Variants in LAMP1 observed in about 807,000 individuals in gnomAD.
The protein encoded by LAMP1 is lysosome-associated membrane glycoprotein 1.
A neutral mutation model predicts 37.5 loss-of-function variants in LAMP1; 7 were observed. That is an observed-to-expected ratio of 0.19 (90% CI 0.11 to 0.35). The LOEUF (loss-of-function observed/expected upper bound fraction) is 0.35, where lower values mean the gene tolerates loss of function less well. Ranked by LOEUF, LAMP1 falls within the 10% of genes least tolerant of loss-of-function variation. LAMP1 has a pLI of 1.00. For missense variants in LAMP1, 537 were observed against 552.8 expected, an observed-to-expected ratio of 0.97 and a Z score of 0.29; for synonymous variants, 236 against 229.1, an observed-to-expected ratio of 1.03 and a Z score of -0.27.
rs1408830090 is a variant in LAMP1 at position 113,320,038 on chromosome 13, C to T, written c.751-307C>T. Among the ~76,000 whole-genome samples the T allele has an allele frequency of 1.3e-5, 2 of 152,124 alleles. No individual in the cohort carries two copies. The highest frequency in any genetic ancestry group is 4.8e-5 in the African/African-American group (2 of 41,404). ...GTTTTTCTCCCCTAGTAGTGACAGG[C>T]TGTGGGGTTGTGGGGGTCGACTTGC... On this transcript the variant is annotated intron_variant, in intron 5 of 8. Coordinates refer to ENST00000332556, the MANE Select transcript of LAMP1 (RefSeq NM_005561.4). The surrounding 1 kb of genome is among the most constrained non-coding windows in gnomAD (Gnocchi z 4.4).
chr13:113,298,333 C>T (rs2042553390), intron 1 of LAMP1, among the ~76,000 whole-genome samples: 1 of 152,104 alleles, frequency 6.6e-6, no homozygotes, highest in Non-Finnish European at 1.5e-5. Flanking sequence ...CATTTATTGT[C>T]TTAATAAGAG....
chr13:113,310,602 G>T, intron 3 of LAMP1, 107 bp from the exon 4 acceptor site: 1 of 913,174 alleles, frequency 1.1e-6, no homozygotes. Context: ...TTTTAATCTA[G>T]AAATCAAGAC....
Position 113,321,236 on chromosome 13 carries a change from T to C in LAMP1, c.877-168T>C. 2 of 662,344 alleles carry C rather than the reference T, an allele frequency of 3.0e-6. No individual in the cohort carries two copies. The highest frequency in any genetic ancestry group is 5.3e-6 in the Non-Finnish European group (2 of 373,950). 41.0% of individuals were successfully genotyped at this position (662,344 alleles called of 1,614,324 possible). On this transcript the variant is annotated intron_variant, in intron 6 of 8. Coordinates refer to ENST00000332556, the MANE Select transcript of LAMP1 (RefSeq NM_005561.4). This position sits in a 1 kb window ranked among gnomAD's most constrained non-coding sequence, Gnocchi z 5.6. ...ATTCCCCAGAGATACACAACGCCTT[T>C]TATAGACAAGATCTTTTGCAGTTTT... is the stretch of plus-strand genomic sequence containing the variant.
chr13:113,306,756 C>T (rs1021240822), intron 2 of LAMP1, 150 bp downstream of exon 2: 8 of 754,434 alleles, frequency 1.1e-5, no homozygotes, highest in South Asian at 1.9e-5. Flanking sequence ...GTAACCTGCG[C>T]TGTCATGTGC....
At chr13:113,316,945 CAGG>C (rs1270471916) in intron 4 of LAMP1, among the ~76,000 whole-genome samples, 1 of 151,506 alleles carries the variant, frequency 6.6e-6, no homozygotes, top group Non-Finnish European at 1.5e-5. Flanking sequence ...GTGAAAGGGG[CAGG>C]AGAAGGTCAG....
rs1006211633 is a variant in LAMP1 at position 113,322,947 on chromosome 13, C to T, written c.*526C>T. The T allele has an allele frequency of 6.4e-6, 1 of 156,744 alleles. No individual in the cohort carries two copies. Among genetic ancestry groups the T allele is most frequent in the East Asian group, 1.9e-4 (1 of 5,236 alleles). The allele number at this position is 156,744 out of a possible 1,614,324, so 9.7% of individuals were successfully genotyped here. A position where few individuals can be genotyped will look rare whatever the true frequency, so the allele number is the denominator to read the frequency against. ...TGGTGTTTGGTTTCTTCATTCTTTA[C>T]TGCACTCAGATTTAAGCCTTACAAA... On this transcript the variant is annotated 3_prime_UTR_variant, in exon 9 of 9. Transcript: ENST00000332556.
chr13:113,303,937 T>G (rs1348123763), intron 1 of LAMP1, among the ~76,000 whole-genome samples: 3 of 151,914 alleles, frequency 2.0e-5, no homozygotes, highest in Admixed American at 2.0e-4. Flanking sequence ...ATACAAAAAG[T>G]AGCCAGACAT....
intron 4 of LAMP1, among the ~76,000 whole-genome samples, chr13:113,314,835 G>T (rs750703033): frequency 8.0e-6 from 1 of 125,456 alleles, no homozygotes; most frequent in Non-Finnish European, 1.6e-5. Context: ...TGTGCCTGGG[G>T]CGTGGCCTCC....
intron 1 of LAMP1, among the ~76,000 whole-genome samples, chr13:113,298,690 T>C (rs573530111): frequency 6.6e-6 from 1 of 152,322 alleles, no homozygotes; most frequent in African/African-American, 2.4e-5. Context: ...CTTATTCCAA[T>C]AGTAAGCCTG....
In LAMP1 at chr13:113,313,069, C is replaced by T. The variant is rs530213450; in HGVS notation, c.562+2202C>T. ...GATGCTGACCTTGTCCGGGGACTCC[C>T]TACTGGCTAGGCCTGGACACGGTTG... On this transcript the variant is annotated intron_variant, in intron 4 of 8. Coordinates refer to ENST00000332556, the MANE Select transcript of LAMP1 (RefSeq NM_005561.4). Among the ~76,000 whole-genome samples the T allele has an allele frequency of 1.9e-3, 288 of 152,270 alleles. 1 individual carries two copies. Among genetic ancestry groups the T allele is most frequent in the Middle Eastern group, 0.01 (3 of 294 alleles).
intron 1 of LAMP1, among the ~76,000 whole-genome samples, chr13:113,298,277 T>G (rs2042553113): frequency 6.6e-6 from 1 of 152,116 alleles, no homozygotes. Flanking sequence ...AGAGCTCAGA[T>G]GGGCAGTAGG....
chr13:113,312,360 A>G (rs1223864093), intron 4 of LAMP1, among the ~76,000 whole-genome samples: 17 of 152,196 alleles, frequency 1.1e-4, no homozygotes, highest in Non-Finnish European at 1.5e-5. Context: ...ACACAGCCAC[A>G]CTCATTTATT....
intron 2 of LAMP1, among the ~76,000 whole-genome samples, chr13:113,307,919 A>G (rs557608656): frequency 7.1e-6 from 1 of 141,782 alleles, no homozygotes; most frequent in East Asian, 2.1e-4. Flanking sequence ...TGATCTTGCC[A>G]CTGCACTCCA....
intron 1 of LAMP1, among the ~76,000 whole-genome samples, chr13:113,304,082 A>G (rs1454837912): frequency 6.6e-6 from 1 of 152,208 alleles, no homozygotes; most frequent in African/African-American, 2.4e-5. Context: ...AAAATAAAAA[A>G]GCTGAAACCC....
rs369885554 is a variant in LAMP1, at chr13:113,319,695, G to C, written c.750+39G>C. Reference sequence around the variant, plus strand: ...CTCACCTGGGAGAGGGGGACGGCACGGTAGGGCTGGAGCCTCTGCTCCCTG... The same window carrying C: ...CTCACCTGGGAGAGGGGGACGGCACCGTAGGGCTGGAGCCTCTGCTCCCTG... On this transcript the variant is annotated intron_variant, in intron 5 of 8. Transcript: ENST00000332556. The C allele has an allele frequency of 6.3e-6, 10 of 1,582,722 alleles. No homozygotes were observed. In the African/African-American group the frequency reaches 1.3e-4, roughly 21 times the overall value.
rs777039772 is a variant in LAMP1 at position 113,320,473 on chromosome 13, G to A, written c.876+3G>A. Reference sequence around the variant, plus strand: ...TCCTGCTCTTCCAGTTCGGGATGGTGAGGCTGGGGCGGCACCTCTCTGGGG... The same window carrying A: ...TCCTGCTCTTCCAGTTCGGGATGGTAAGGCTGGGGCGGCACCTCTCTGGGG... On this transcript the variant is annotated splice_donor_region_variant and intron_variant, in intron 6 of 8. Transcript: ENST00000332556. This position sits in a 1 kb window ranked among gnomAD's most constrained non-coding sequence, Gnocchi z 4.4. 1 of 1,606,296 alleles carries A rather than the reference G, an allele frequency of 6.2e-7. No homozygotes were observed.
At chr13:113,305,238 C>T (rs905233476) in intron 1 of LAMP1, 8 of 152,120 alleles carry the variant, frequency 5.3e-5, no homozygotes, top group East Asian at 1.9e-4. Context: ...AGATGAGACT[C>T]GGGTGTGTGT....
chr13:113,320,942 C>A lies in LAMP1; in HGVS notation c.877-462C>A. 4.6e-6 allele frequency: 1 copy of A among 216,978 alleles called. No homozygotes were observed. Among genetic ancestry groups the A allele is most frequent in the Non-Finnish European group, 9.3e-6 (1 of 107,656 alleles). 13.4% of individuals were successfully genotyped at this position (216,978 alleles called of 1,614,324 possible). A position where few individuals can be genotyped will look rare whatever the true frequency, so the allele number is the denominator to read the frequency against. The stretch of plus-strand genomic sequence containing the variant: ...CTGTGCTGTGATAGCTCCTGCAGTC[C>A]CCGTTTTCCAGAGACTGACTCTCAA... On this transcript the variant is annotated intron_variant, in intron 6 of 8. Transcript: ENST00000332556. This position sits in a 1 kb window ranked among gnomAD's most constrained non-coding sequence, Gnocchi z 4.4.
intron 1 of LAMP1, among the ~76,000 whole-genome samples, chr13:113,303,568 A>T (rs986049148): frequency 2.0e-5 from 3 of 149,206 alleles, no homozygotes; most frequent in Non-Finnish European, 3.0e-5. Flanking sequence ...GGAGGTTTTT[A>T]AAAAAACTTC....
Sources: gnomAD v4.1 joint callset for allele counts (sites outside exome capture counted in the v4.1 genomes callset) on GRCh38, gnomAD v4.1.1 for gene constraint, Gnocchi (gnomAD v3.1) non-coding constraint, MANE v1.5 for transcripts, NCBI Gene and HGNC (gene_info 2026-07-23, HGNC 2026-07-21) for gene names.